Variants in TEX36 observed in about 807,000 individuals in gnomAD.
TEX36 encodes the protein testis-expressed protein 36.
TEX36 carries 12 observed loss-of-function variants against 13.6 expected under a neutral mutation model. The ratio of observed to expected loss-of-function variants is 0.88; its 90% CI spans 0.56 to 1.43. TEX36 has a LOEUF of 1.43. Among genes scored for constraint, TEX36 ranks in the 40% most tolerant of loss-of-function variants. The probability of loss-of-function intolerance (pLI) is 0.00; values close to 1 mark genes in which losing one functional copy is unlikely to be tolerated. For synonymous variants in TEX36, 93 were observed against 83.0 expected, an observed-to-expected ratio of 1.12 and a Z score of -0.65; for missense variants, 224 against 228.3, an observed-to-expected ratio of 0.98 and a Z score of 0.12.
chr10:125,677,573 C>G (rs1847330210), intron 1 of TEX36, among the ~76,000 whole-genome samples: 1 of 152,082 alleles, frequency 6.6e-6, no homozygotes, highest in South Asian at 2.1e-4. Flanking sequence ...TTCTAAATAT[C>G]TTTCTCCTTG....
chr10:125,637,613 C>T (rs1169895723), intron 3 of TEX36, among the ~76,000 whole-genome samples: 1 of 152,110 alleles, frequency 6.6e-6, no homozygotes, highest in African/African-American at 2.4e-5. Flanking sequence ...TCCAGTCCTA[C>T]CAGCAGTTGT....
chr10:125,630,944 A>G (rs970795372), intron 3 of TEX36, among the ~76,000 whole-genome samples: 4 of 152,090 alleles, frequency 2.6e-5, no homozygotes, highest in African/African-American at 9.7e-5. Flanking sequence ...GTCAGGCTCC[A>G]GGGAAGGGTG....
In TEX36 at chr10:125,639,877, C is replaced by T. The variant is rs143500959; in HGVS notation, c.265-18232G>A. Among the ~76,000 whole-genome samples the T allele has an allele frequency of 7.9e-4, 120 of 152,274 alleles. 2 individuals carry two copies. Among genetic ancestry groups the T allele is most frequent in the South Asian group, 7.7e-3 (37 of 4,830 alleles). ...TCTCAATCCTCTTTGGGAACTATAA[C>T]GGCAGATGTTAGAGAGGGATTGGAT... On this transcript the variant is annotated intron_variant, in intron 3 of 3. Transcript: ENST00000526819.
At chr10:125,620,054 C>T (rs569579007), downstream of TEX36, among the ~76,000 whole-genome samples, 50 of 152,136 alleles carry the variant, frequency 3.3e-4, no homozygotes, top group Admixed American at 1.6e-3. Context: ...TTTAGCTTTG[C>T]TCTTTGAGCT....
chr10:125,618,960 A>T (rs1322393836), downstream of TEX36, among the ~76,000 whole-genome samples: 3 of 146,572 alleles, frequency 2.0e-5, no homozygotes, highest in Non-Finnish European at 3.0e-5. Flanking sequence ...AAAAAAAAAA[A>T]AAAAAAAAAA....
chr10:125,679,377 G>A (rs899110739), intron 1 of TEX36, among the ~76,000 whole-genome samples: 81 of 152,134 alleles, frequency 5.3e-4, no homozygotes, highest in Non-Finnish European at 6.2e-4. Flanking sequence ...CCAGGAGAGC[G>A]TGCAGTCTGT....
downstream of TEX36, among the ~76,000 whole-genome samples, chr10:125,651,128 T>A (rs2133585042): frequency 6.6e-6 from 1 of 152,144 alleles, no homozygotes; most frequent in South Asian, 2.1e-4. Context: ...AAAGAGGGAA[T>A]CCTCCCTAAA....
At chr10:125,617,791 C>T (rs1347540227), downstream of TEX36, among the ~76,000 whole-genome samples, 1 of 152,126 alleles carries the variant, frequency 6.6e-6, no homozygotes, top group Non-Finnish European at 1.5e-5. Context: ...CGAGGATTAT[C>T]TTTGTGGCGT....
At chr10:125,667,523 G>T in intron 1 of TEX36, 1 of 733,640 alleles carries the variant, frequency 1.4e-6, no homozygotes, top group Non-Finnish European at 2.6e-6. Context: ...GGTGAAGTCA[G>T]CTCCATCCTT....
intron 3 of TEX36, among the ~76,000 whole-genome samples, chr10:125,590,160 G>T (rs1846003716): frequency 6.6e-6 from 1 of 151,954 alleles, no homozygotes; most frequent in Admixed American, 6.6e-5. Context: ...TGTCGCACAG[G>T]CTGGAGTGTA....
chr10:125,680,148 A>T (rs1321861432), intron 1 of TEX36, among the ~76,000 whole-genome samples: 1 of 152,198 alleles, frequency 6.6e-6, no homozygotes, highest in Non-Finnish European at 1.5e-5. Flanking sequence ...GGTAAATATA[A>T]ATAATACAAA....
chr10:125,628,803 C>T (rs1379776521), intron 3 of TEX36, among the ~76,000 whole-genome samples: 2 of 152,176 alleles, frequency 1.3e-5, no homozygotes, highest in Non-Finnish European at 2.9e-5. Context: ...GCATCCCAGA[C>T]ATTGTCACAG....
chr10:125,598,299 C>A (rs186892068), intron 3 of TEX36, among the ~76,000 whole-genome samples: 4 of 152,334 alleles, frequency 2.6e-5, no homozygotes, highest in Admixed American at 6.5e-5. Context: ...CTCACCACAA[C>A]GCTTCAGGGT....
intron 3 of TEX36, among the ~76,000 whole-genome samples, chr10:125,615,793 T>C (rs375803671): frequency 1.3e-5 from 2 of 152,108 alleles, no homozygotes; most frequent in Non-Finnish European, 2.9e-5. Flanking sequence ...TGATGCTGGC[T>C]TCATAAAATG....
chr10:125,599,132 A>G (rs1846115033), intron 3 of TEX36, among the ~76,000 whole-genome samples: 1 of 152,206 alleles, frequency 6.6e-6, no homozygotes, highest in Admixed American at 6.5e-5. Flanking sequence ...TTTTTTTATT[A>G]TAAAATATAA....
chr10:125,682,997 A>G lies in TEX36; in HGVS notation c.-8T>C, dbSNP rs1847421110. ...GCGTCGCCCTTTGGTCATTCTCTCCAGGAAGCTGAATGTGGCTGAGATTGG... is the reference window on the plus strand; with the variant it reads ...GCGTCGCCCTTTGGTCATTCTCTCCGGGAAGCTGAATGTGGCTGAGATTGG... On this transcript the variant is annotated 5_prime_UTR_variant, in exon 1 of 4. Transcript: ENST00000368821. 6.4e-7 allele frequency: 1 copy of G among 1,551,616 alleles called. No homozygotes were observed. Among genetic ancestry groups the G allele is most frequent in the Non-Finnish European group, 8.7e-7 (1 of 1,146,996 alleles).
chr10:125,679,525 G>C (rs1179545217), intron 1 of TEX36, among the ~76,000 whole-genome samples: 3 of 152,122 alleles, frequency 2.0e-5, no homozygotes, highest in African/African-American at 7.2e-5. Context: ...GGGAGAGAAG[G>C]GTCGAGAAGT....
At chr10:125,636,372 A>ATTTTT (rs1173411320) in intron 3 of TEX36, among the ~76,000 whole-genome samples, 2 of 142,656 alleles carry the variant, frequency 1.4e-5, no homozygotes, top group African/African-American at 5.2e-5. Flanking sequence ...CACCCGGCTA[A>ATTTTT]TTTTTTTTTT....
Position 125,682,945 on chromosome 10 carries a change from C to G in TEX36, c.45G>C (p.Gly15=). 1 of 1,551,752 alleles carries G rather than the reference C, an allele frequency of 6.4e-7. No homozygotes were observed. Among genetic ancestry groups the G allele is most frequent in the Non-Finnish European group, 8.7e-7 (1 of 1,147,006 alleles). ...GGGCCACCATCTTCCTTACCCATCT[C>G]CCATCCTTGTCTGAAGGTGGGTTGA... ...RRFNPPSDKD[G]RWFPHIGLTQ... is the part of the protein sequence containing the mutation. The change falls in exon 1 of 4, where the codon GGG becomes GGC. Residue 15 remains glycine (G), a synonymous_variant. Transcript: ENST00000368821.
Sources: allele counts gnomAD v4.1 joint callset (sites outside exome capture counted in the v4.1 genomes callset), GRCh38; gene constraint gnomAD v4.1.1; transcripts MANE v1.5; gene names NCBI Gene and HGNC (gene_info 2026-07-23, HGNC 2026-07-21).